CADPS2: variants seen among roughly 807,000 people sequenced by gnomAD.
The protein encoded by CADPS2 is calcium-dependent secretion activator 2.
In CADPS2, 93 loss-of-function variants were observed where a neutral mutation model predicts 172.5. The observed-to-expected ratio is 0.54, with a 90% CI of 0.46 to 0.64. The LOEUF (loss-of-function observed/expected upper bound fraction) is 0.64, where lower values mean the gene tolerates loss of function less well. Among genes scored for constraint, CADPS2 ranks in the 30% least tolerant of loss-of-function variants. CADPS2 has a pLI of 0.00. For missense variants in CADPS2, 1,420 were observed against 1,565.9 expected, an observed-to-expected ratio of 0.91 and a Z score of 1.57; for synonymous variants, 546 against 555.2, an observed-to-expected ratio of 0.98 and a Z score of 0.23.
intron 3 of CADPS2, among the ~76,000 whole-genome samples, chr7:122,634,294 C>CT (rs2076850595): frequency 6.6e-6 from 1 of 152,046 alleles, no homozygotes; most frequent in Non-Finnish European, 1.5e-5. Flanking sequence ...TAAGAAGCTG[C>CT]TATTTCAGGG....
intron 1 of CADPS2, among the ~76,000 whole-genome samples, chr7:122,752,538 G>A (rs2092993929): frequency 6.6e-6 from 1 of 152,172 alleles, no homozygotes; most frequent in Non-Finnish European, 1.5e-5. Context: ...ATTACATGAA[G>A]TAATGAAGAA....
At position 122,351,372 on chromosome 7, in the gene CADPS2, C is replaced by CAAAA. The variant is rs398048049; in HGVS notation, c.3505-5695_3505-5692dup. ...TGGGTGACAGAGCGAGACTCCGTCT[C>CAAAA]AAAAAAAAAAAAAAAAAAAAAAAAA... On this transcript the variant is annotated intron_variant, in intron 27 of 29. Transcript: ENST00000449022. Among the ~76,000 whole-genome samples the CAAAA allele has an allele frequency of 7.2e-3, 208 of 28,918 alleles. 36 individuals are homozygous for CAAAA. Among genetic ancestry groups the CAAAA allele is most frequent in the East Asian group, 0.071 (40 of 564 alleles). The allele number at this position is 28,918 out of a possible 152,430, so 19.0% of individuals were successfully genotyped here.
rs148108938 is a variant in CADPS2, at chr7:122,765,032, T to G, written c.340-27964A>C. ...AAGTAGGTGCACTTTCTGAAACACA[T>G]GGAGTCACACCCTGATTCACTCTCT... On this transcript the variant is annotated intron_variant, in intron 1 of 29. Coordinates refer to ENST00000449022, the MANE Select transcript of CADPS2 (RefSeq NM_017954.11). Among the ~76,000 whole-genome samples the G allele has an allele frequency of 7.6e-3, 1,162 of 152,294 alleles. 17 individuals carry two copies. Among genetic ancestry groups the G allele is most frequent in the African/African-American group, 0.026 (1,080 of 41,566 alleles).
intron 7 of CADPS2, among the ~76,000 whole-genome samples, chr7:122,560,150 G>T (rs1403895877): frequency 6.6e-6 from 1 of 152,116 alleles, no homozygotes; most frequent in Non-Finnish European, 1.5e-5. Flanking sequence ...TAAGGTTTAA[G>T]TTGGCAAAAT....
At chr7:122,553,109 C>A (rs1369886384) in intron 8 of CADPS2, among the ~76,000 whole-genome samples, 1 of 152,140 alleles carries the variant, frequency 6.6e-6, no homozygotes, top group Non-Finnish European at 1.5e-5. Flanking sequence ...TCCTGTGAGA[C>A]TTTCATTCAC....
At chr7:122,543,004 G>A (rs79519010) in intron 8 of CADPS2, among the ~76,000 whole-genome samples, 2,310 of 151,946 alleles carry the variant, frequency 0.015, 59 homozygotes, top group African/African-American at 0.052. Context: ...TAAGTGACTT[G>A]GGGCAACACT....
intron 4 of CADPS2, among the ~76,000 whole-genome samples, chr7:122,622,624 T>C (rs779542172): frequency 6.6e-6 from 1 of 152,202 alleles, no homozygotes; most frequent in South Asian, 2.1e-4. Flanking sequence ...TCTTTAATGT[T>C]TGCCAACCTG....
At chr7:122,550,519 CAT>C (rs1427322845) in intron 8 of CADPS2, among the ~76,000 whole-genome samples, 4 of 152,144 alleles carry the variant, frequency 2.6e-5, no homozygotes, top group African/African-American at 9.7e-5. Flanking sequence ...AATGCTTCCA[CAT>C]ATTTGTGAAA....
intron 1 of CADPS2, chr7:122,850,157 G>T: frequency 8.7e-7 from 1 of 1,146,194 alleles, no homozygotes; most frequent in Non-Finnish European, 1.2e-6. Context: ...GGGCGTATCT[G>T]TGGCTTCCCA....
At chr7:122,488,333 A>G (rs557915327) in intron 11 of CADPS2, among the ~76,000 whole-genome samples, 11 of 152,234 alleles carry the variant, frequency 7.2e-5, no homozygotes, top group Non-Finnish European at 7.3e-5. Flanking sequence ...TAAATACCCA[A>G]TTTGGCACTT....
At chr7:122,577,597 T>G (rs1462691870) in intron 7 of CADPS2, among the ~76,000 whole-genome samples, 1 of 152,206 alleles carries the variant, frequency 6.6e-6, no homozygotes, top group African/African-American at 2.4e-5. Context: ...TTTTAGTGAT[T>G]AAGAATAAAG....
intron 1 of CADPS2, among the ~76,000 whole-genome samples, chr7:122,780,891 T>C (rs1792527770): frequency 1.4e-5 from 2 of 141,330 alleles, no homozygotes; most frequent in South Asian, 4.5e-4. Flanking sequence ...CTACAAACAA[T>C]GCAAAAATCA....
chr7:122,540,870 C>A (rs943221227), intron 8 of CADPS2, among the ~76,000 whole-genome samples: 6 of 151,906 alleles, frequency 3.9e-5, no homozygotes, highest in African/African-American at 1.5e-4. Context: ...CTTATAAAAA[C>A]CAATTGATTT....
At chr7:122,744,419 G>A (rs2138109910) in intron 1 of CADPS2, among the ~76,000 whole-genome samples, 1 of 152,140 alleles carries the variant, frequency 6.6e-6, no homozygotes, top group East Asian at 1.9e-4. Context: ...CTAACCAGAG[G>A]GAAAATACCA....
chr7:122,803,008 T>TA (rs1169287538), intron 1 of CADPS2, among the ~76,000 whole-genome samples: 1 of 152,288 alleles, frequency 6.6e-6, no homozygotes, highest in Admixed American at 6.5e-5. Flanking sequence ...TCACATTTTC[T>TA]AAAAAAATAT....
At chr7:122,832,464 C>T (rs894537020) in intron 1 of CADPS2, among the ~76,000 whole-genome samples, 1 of 152,202 alleles carries the variant, frequency 6.6e-6, no homozygotes, top group Non-Finnish European at 1.5e-5. Context: ...TAATCTTACG[C>T]AGCCATCTCT....
intron 9 of CADPS2, among the ~76,000 whole-genome samples, chr7:122,509,894 G>C (rs2059895806): frequency 6.6e-6 from 1 of 152,038 alleles, no homozygotes; most frequent in Non-Finnish European, 1.5e-5. Flanking sequence ...ATAAGTATTA[G>C]ATTTAATATA....
At chr7:122,655,195 T>G (rs914320999) in intron 3 of CADPS2, among the ~76,000 whole-genome samples, 1 of 152,112 alleles carries the variant, frequency 6.6e-6, no homozygotes, top group African/African-American at 2.4e-5. Flanking sequence ...GATAAAGGAT[T>G]TAGAATATTT....
chr7:122,476,305 G>A (rs569730821), intron 12 of CADPS2, among the ~76,000 whole-genome samples: 8 of 151,994 alleles, frequency 5.3e-5, no homozygotes, highest in African/African-American at 1.9e-4. Flanking sequence ...TGGTTAATCT[G>A]TTGAGAACAG....
Sources: gnomAD v4.1 joint callset for allele counts (sites outside exome capture counted in the v4.1 genomes callset) on GRCh38, gnomAD v4.1.1 for gene constraint, MANE v1.5 for transcripts, NCBI Gene and HGNC (gene_info 2026-07-23, HGNC 2026-07-21) for gene names.